The following GRIK2 variants were observed in gnomAD, a reference collection of about 807,000 sequenced individuals.
The protein encoded by GRIK2 is glutamate receptor ionotropic, kainate 2.
Under a neutral mutation model 100.3 loss-of-function variants are expected in GRIK2, and 32 were observed. The observed-to-expected ratio is 0.32, with a 90% CI of 0.24 to 0.43. The LOEUF (loss-of-function observed/expected upper bound fraction) is 0.43, where lower values mean the gene tolerates loss of function less well. GRIK2 is among the 20% of genes least tolerant of loss of function. The pLI is 1.00. For missense variants in GRIK2, 843 were observed against 1,114.9 expected (o/e 0.76, Z 3.47); for synonymous variants, 417 against 389.4 (o/e 1.07, Z -0.83).
At chr6:101,782,855 CTCT>C (rs1779181602) in intron 7 of GRIK2, among the ~76,000 whole-genome samples, 1 of 146,772 alleles carries the variant, frequency 6.8e-6, no homozygotes, top group Non-Finnish European at 1.5e-5. Flanking sequence ...CCACTCAAAT[CTCT>C]TTTTTTTTTT....
At chr6:101,995,219 T>A (rs571209212) in intron 14 of GRIK2, among the ~76,000 whole-genome samples, 1 of 151,838 alleles carries the variant, frequency 6.6e-6, no homozygotes, top group Non-Finnish European at 1.5e-5. Context: ...CTGAGTCAGA[T>A]TGGGTGCTTA....
intron 14 of GRIK2, among the ~76,000 whole-genome samples, chr6:101,938,951 AT>A (rs1790783141): frequency 6.6e-6 from 1 of 152,046 alleles, no homozygotes; most frequent in Non-Finnish European, 1.5e-5. Context: ...CAGTGAAAAG[AT>A]TTGATTATCT....
chr6:101,580,702 A>G (rs1484772088), intron 2 of GRIK2, among the ~76,000 whole-genome samples: 1 of 152,096 alleles, frequency 6.6e-6, no homozygotes, highest in Non-Finnish European at 1.5e-5. Context: ...AGTTCCTACC[A>G]TCTTTCTCTT....
rs188339171 is a variant in GRIK2, at chr6:101,794,172, C to G, written c.952-5476C>G. On this transcript the variant is annotated intron_variant, in intron 7 of 16. Transcript: ENST00000369134. ...GACCCCTTGCGCTTCCTGAGTGAGG[C>G]AATGCCTCGCCCTGCTTCGGCTCGC... is the stretch of plus-strand genomic sequence containing the variant. Among the ~76,000 whole-genome samples the G allele has an allele frequency of 4.6e-5, 7 of 152,280 alleles. No homozygotes were observed. The East Asian group carries it at 1.4e-3, about 30-fold the overall frequency.
chr6:101,872,596 A>G (rs1004103544), intron 11 of GRIK2, among the ~76,000 whole-genome samples: 2 of 151,820 alleles, frequency 1.3e-5, no homozygotes, highest in African/African-American at 4.8e-5. Flanking sequence ...CAGCCAAACC[A>G]TATTACCATC....
At chr6:101,734,108 A>G (rs1233503144) in intron 7 of GRIK2, among the ~76,000 whole-genome samples, 3 of 152,114 alleles carry the variant, frequency 2.0e-5, no homozygotes, top group Non-Finnish European at 4.4e-5. Context: ...ATATGCAGGT[A>G]TTTGTTACAG....
At position 101,523,297 on chromosome 6, in the gene GRIK2, A is replaced by G. The variant is rs538444236; in HGVS notation, c.116-98652A>G. On this transcript the variant is annotated intron_variant, in intron 2 of 16. Transcript: ENST00000369134. ...TTATAGACCTACCATGGTAAAGACGATGCTAGGAATTTGCTGGAGGAAAAA... is the reference window on the plus strand; with the variant it reads ...TTATAGACCTACCATGGTAAAGACGGTGCTAGGAATTTGCTGGAGGAAAAA... 4.6e-5 allele frequency among the ~76,000 whole-genome samples: 7 copies of G among 152,300 alleles called. No homozygotes were observed. The East Asian group carries it at 1.4e-3, about 29-fold the overall frequency.
chr6:101,875,362 C>T (rs1481958281), intron 11 of GRIK2, among the ~76,000 whole-genome samples: 6 of 151,794 alleles, frequency 4.0e-5, no homozygotes, highest in African/African-American at 1.5e-4. Context: ...TATCGCTAGT[C>T]ATTTAGAATC....
In GRIK2 at chr6:101,963,278, A is replaced by ATTTTTTTTTT. The variant is rs3029099; in HGVS notation, c.2085+34674_2085+34683dup. Among the ~76,000 whole-genome samples, 22 of 27,844 alleles carry ATTTTTTTTTT rather than the reference A, an allele frequency of 7.9e-4. 10 individuals are homozygous for ATTTTTTTTTT. Among genetic ancestry groups the ATTTTTTTTTT allele is most frequent in the Non-Finnish European group, 1.3e-3 (18 of 14,018 alleles). 18.3% of individuals were successfully genotyped at this position (27,844 alleles called of 152,430 possible). The stretch of plus-strand genomic sequence containing the variant: ...TATTTCATATTTATACTTATTTAGG[A>ATTTTTTTTTT]TTTTTTTTTTTTTTTTTTTTTTTTT... On this transcript the variant is annotated intron_variant, in intron 14 of 16. Coordinates refer to ENST00000369134, the MANE Select transcript of GRIK2 (RefSeq NM_021956.5).
chr6:101,927,313 A>G, intron 13 of GRIK2: 2 of 731,932 alleles, frequency 2.7e-6, no homozygotes, highest in Non-Finnish European at 3.3e-6. Context: ...TTACTGCATC[A>G]GAGATTATAC....
At chr6:101,922,625 C>G (rs1043926463) in intron 12 of GRIK2, among the ~76,000 whole-genome samples, 1 of 152,038 alleles carries the variant, frequency 6.6e-6, no homozygotes, top group Non-Finnish European at 1.5e-5. Flanking sequence ...CTACATTAAC[C>G]CATACAATCC....
At chr6:101,790,618 A>G (rs1779773101) in intron 7 of GRIK2, among the ~76,000 whole-genome samples, 1 of 147,314 alleles carries the variant, frequency 6.8e-6, no homozygotes, top group Non-Finnish European at 1.5e-5. Flanking sequence ...CCAGTATTTT[A>G]TTGAGGATTT....
chr6:101,401,374 T>A (rs757099350), intron 2 of GRIK2, among the ~76,000 whole-genome samples: 13 of 152,026 alleles, frequency 8.6e-5, no homozygotes, highest in Non-Finnish European at 1.8e-4. Context: ...GAGCTCTCTC[T>A]CTCACACACA....
At position 101,946,938 on chromosome 6, in the gene GRIK2, G is replaced by A. The variant is rs1408226291; in HGVS notation, c.2085+18306G>A. 2.6e-5 allele frequency among the ~76,000 whole-genome samples: 4 copies of A among 152,060 alleles called. No homozygotes were observed. In the East Asian group the frequency reaches 7.7e-4, roughly 29 times the overall value. On this transcript the variant is annotated intron_variant, in intron 14 of 16. Coordinates refer to ENST00000369134, the MANE Select transcript of GRIK2 (RefSeq NM_021956.5). ...CCTCCCACAGAGAATGTTACACAGG[G>A]ACACTAGCTTCCTAGATGATTACAG...
At chr6:101,541,660 T>C (rs369463248) in intron 2 of GRIK2, among the ~76,000 whole-genome samples, 1 of 152,050 alleles carries the variant, frequency 6.6e-6, no homozygotes, top group East Asian at 1.9e-4. Flanking sequence ...AACAAATGAA[T>C]AAATGAGTGA....
intron 2 of GRIK2, among the ~76,000 whole-genome samples, chr6:101,525,703 C>T (rs1387232780): frequency 6.6e-6 from 1 of 152,144 alleles, no homozygotes; most frequent in Non-Finnish European, 1.5e-5. Flanking sequence ...TGTTTCACAG[C>T]CCCCACTTTA....
intron 12 of GRIK2, among the ~76,000 whole-genome samples, chr6:101,911,904 T>C (rs908672306): frequency 2.6e-5 from 4 of 151,494 alleles, no homozygotes; most frequent in Non-Finnish European, 5.9e-5. Flanking sequence ...TTTTACAAAA[T>C]CCTGTCCTGC....
At chr6:101,760,605 T>C (rs1207737623) in intron 7 of GRIK2, among the ~76,000 whole-genome samples, 13 of 95,076 alleles carry the variant, frequency 1.4e-4, no homozygotes, top group African/African-American at 4.4e-4. Context: ...TAATTATATA[T>C]AATTATATTT....
intron 2 of GRIK2, among the ~76,000 whole-genome samples, chr6:101,502,202 A>G (rs879433502): frequency 6.6e-6 from 1 of 152,188 alleles, no homozygotes; most frequent in East Asian, 1.9e-4. Context: ...CATTATTAAA[A>G]CATATCTATG....
Sources: allele counts gnomAD v4.1 joint callset (sites outside exome capture counted in the v4.1 genomes callset), GRCh38; gene constraint gnomAD v4.1.1; transcripts MANE v1.5; gene names NCBI Gene and HGNC (gene_info 2026-07-23, HGNC 2026-07-21).